BRAT1: variants seen among roughly 807,000 people sequenced by gnomAD.
BRAT1 encodes the protein BRCA1 associated ATM activator 1.
In BRAT1, 74 loss-of-function variants were observed where a neutral mutation model predicts 70.6. The ratio of observed to expected loss-of-function variants is 1.05; its 90% confidence interval spans 0.87 to 1.27. BRAT1 has a LOEUF of 1.27. Among genes scored for constraint, BRAT1 ranks in the 50% most tolerant of loss-of-function variants. The pLI, the probability that BRAT1 is intolerant of heterozygous loss-of-function variation, is 0.00. For synonymous variants in BRAT1, 615 were observed against 517.1 expected (o/e 1.19, Z -2.57); for missense variants, 1,203 against 1,098.2 (o/e 1.10, Z -1.35).
At chr7:2,555,187 G>A (rs1429165489) in intron 1 of BRAT1, among the ~76,000 whole-genome samples, 3 of 152,118 alleles carry the variant, frequency 2.0e-5, no homozygotes, top group Non-Finnish European at 4.4e-5. Context: ...CCTCGGGGGT[G>A]GGCGGGGTGG....
chr7:2,544,197 G>GT (rs201500695), intron 4 of BRAT1: 37 of 121,296 alleles, frequency 3.1e-4, no homozygotes, highest in East Asian at 7.7e-4. Flanking sequence ...GTTCCTTCTT[G>GT]TTGTTTTTTT....
intron 10 of BRAT1, 115 bp downstream of exon 10, chr7:2,540,864 G>C (rs1311705255): frequency 9.2e-7 from 1 of 1,081,648 alleles, no homozygotes; most frequent in Non-Finnish European, 1.3e-6. Context: ...GCAGCTCTGT[G>C]GCCCTGTGTG....
intron 13 of BRAT1, 99 bp from the exon 14 acceptor site, chr7:2,538,863 G>A: frequency 2.6e-6 from 4 of 1,527,882 alleles, no homozygotes; most frequent in Non-Finnish European, 3.5e-6. Flanking sequence ...CCCCGGACAT[G>A]CAGTCTAGGG....
intron 4 of BRAT1, 190 bp from the exon 5 acceptor site, chr7:2,544,152 G>A (rs927032630): frequency 3.1e-5 from 13 of 420,156 alleles, no homozygotes; most frequent in East Asian, 1.2e-4. Flanking sequence ...CCCCCCGAGC[G>A]TTAAACACAC....
At chr7:2,546,923 G>A (rs957516092) in intron 3 of BRAT1, among the ~76,000 whole-genome samples, 8 of 151,874 alleles carry the variant, frequency 5.3e-5, no homozygotes, top group African/African-American at 1.5e-4. Flanking sequence ...TCCTGTCTCC[G>A]TCCCAGGAAG....
In BRAT1 at chr7:2,547,465, C is replaced by T. The variant is rs746013235; in HGVS notation, c.141G>A (p.Val47=). Residue 47 remains valine (V), a synonymous_variant, in exon 3 of 14, where the codon GTG becomes GTA. Transcript: ENST00000340611. The part of the protein sequence containing the change: ...KTVTEGESSV[V]LLQEHPCLVE... ...CCAGGCAGGGGTGCTCCTGCAGCAG[C>T]ACGACACTGGACTCTGTGGGGATGG... 5 of 1,613,906 alleles carry T rather than the reference C, an allele frequency of 3.1e-6. No homozygotes were observed. The highest frequency in any genetic ancestry group is 4.2e-6 in the Non-Finnish European group (5 of 1,180,024).
rs376888751 is a variant in BRAT1 at position 2,538,234 on chromosome 7, C to T, written c.2301G>A (p.Gln767=). 4 of 1,609,574 alleles carry T rather than the reference C, an allele frequency of 2.5e-6. No individual in the cohort carries two copies. The highest frequency in any genetic ancestry group is 1.3e-5 in the African/African-American group (1 of 74,900). ...AGEQAQPPGD[Q]EPEAVLAMLR... is the part of the protein sequence containing the mutation. The stretch of plus-strand genomic sequence containing the variant: ...GCATGGCCAGCACAGCCTCAGGCTC[C>T]TGGTCCCCTGGGGGCTGGGCCTGCT... The change falls in exon 14 of 14, where the codon CAG becomes CAA. Residue 767 remains glutamine (Q), a synonymous_variant. Transcript: ENST00000340611.
chr7:2,544,325 C>G (rs112310765), intron 4 of BRAT1: 3,142 of 189,628 alleles, frequency 0.017, 35 homozygotes, highest in Non-Finnish European at 0.025. Context: ...ACCTCAGCCT[C>G]CCAAGTAGCT....
Position 2,544,735 on chromosome 7 carries a change from T to C in BRAT1, c.430+174A>G, listed in dbSNP as rs551380685. ...TGGCTGAGAAAGCCGTCCTGGCTCCTAGGGCCTGACCTGCCAACCAGAGAA... is the reference window on the plus strand; with the variant it reads ...TGGCTGAGAAAGCCGTCCTGGCTCCCAGGGCCTGACCTGCCAACCAGAGAA... On this transcript the variant is annotated intron_variant, in intron 4 of 13. Transcript: ENST00000340611. Among the ~76,000 whole-genome samples, 7 of 152,250 alleles carry C rather than the reference T, an allele frequency of 4.6e-5. No homozygotes were observed. In the South Asian group the frequency reaches 1.5e-3, roughly 32 times the overall value.
At chr7:2,553,557 G>C (rs1315235024) in intron 2 of BRAT1, among the ~76,000 whole-genome samples, 1 of 151,872 alleles carries the variant, frequency 6.6e-6, no homozygotes, top group Non-Finnish European at 1.5e-5. Context: ...AGCTTTATGT[G>C]TTATGAAAAG....
chr7:2,537,909 A>G lies in BRAT1; in HGVS notation c.*160T>C, dbSNP rs1473385520. On this transcript the variant is annotated 3_prime_UTR_variant, in exon 14 of 14. Transcript: ENST00000340611. Reference sequence around the variant, plus strand: ...TAGAAATAAGTCATTTCTTTAATACATCAAACTGTGGGATTTCTTGACCTT... The same window carrying G: ...TAGAAATAAGTCATTTCTTTAATACGTCAAACTGTGGGATTTCTTGACCTT... 1.6e-6 allele frequency: 2 copies of G among 1,226,806 alleles called. No homozygotes were observed. Among genetic ancestry groups the G allele is most frequent in the East Asian group, 2.8e-5 (1 of 36,332 alleles). The allele number at this position is 1,226,806 out of a possible 1,614,324, so 76.0% of individuals were successfully genotyped here. A position where few individuals can be genotyped will look rare whatever the true frequency, so the allele number is the denominator to read the frequency against.
At position 2,538,209 on chromosome 7, in the gene BRAT1, G is replaced by A; in HGVS notation, c.2326C>T (p.Leu776Phe). The A allele has an allele frequency of 6.2e-7, 1 of 1,609,986 alleles. No homozygotes were observed. The highest frequency in any genetic ancestry group is 1.7e-5 in the Admixed American group (1 of 59,962). ...AGGCCCTCCAGGTCTAGGGACCTGA[G>A]CATGGCCAGCACAGCCTCAGGCTCC... ...DQEPEAVLAM[L>F]RSLDLEGLRS... Residue 776 changes from leucine to phenylalanine, a missense_variant, in exon 14 of 14, where the codon CTC (leucine) becomes TTC (phenylalanine). By Grantham distance (22) the Leu-to-Phe change is conservative. Coordinates refer to ENST00000340611, the MANE Select transcript of BRAT1 (RefSeq NM_152743.4).
At chr7:2,542,057 T>C in intron 7 of BRAT1, 63 bp downstream of exon 7, 1 of 1,408,212 alleles carries the variant, frequency 7.1e-7, no homozygotes, top group East Asian at 2.5e-5. Flanking sequence ...CTCTCATCCA[T>C]CTCCCTTCCC....
rs1778862350 is a variant in BRAT1 at position 2,538,469 on chromosome 7, G to T, written c.2066C>A (p.Thr689Asn). Residue 689 changes from threonine (T) to asparagine (N), a missense_variant, in exon 14 of 14, where the codon ACC becomes AAC. Thr to Asn is a moderately conservative substitution (Grantham distance 65). Coordinates refer to ENST00000340611, the MANE Select transcript of BRAT1 (RefSeq NM_152743.4). ...GTGGCAGAGAGCCCTCAGTGCCTCGGTGAGTGGCTGGGCTGGGGCCACCTC... is the reference window on the plus strand; with the variant it reads ...GTGGCAGAGAGCCCTCAGTGCCTCGTTGAGTGGCTGGGCTGGGGCCACCTC... ...LPEVAPAQPLTEALRALCHVG... is the reference protein window; with the variant it reads ...LPEVAPAQPLNEALRALCHVG... The T allele has an allele frequency of 6.2e-7, 1 of 1,612,664 alleles. No homozygotes were observed. The highest frequency in any genetic ancestry group is 8.5e-7 in the Non-Finnish European group (1 of 1,179,934).
rs1274208785 is a variant in BRAT1, at chr7:2,547,453, C to T, written c.153G>A (p.Glu51=). The change falls in exon 3 of 14, where the codon GAG becomes GAA. Residue 51 remains glutamate, a synonymous_variant. Transcript: ENST00000340611. ...ACAGCAGCTCCACCAGGCAGGGGTG[C>T]TCCTGCAGCAGCACGACACTGGACT... ...EGESSVVLLQ[E]HPCLVELLSH... is the part of the protein sequence containing the mutation. 1.2e-6 allele frequency: 2 copies of T among 1,614,046 alleles called. No homozygotes were observed. The highest frequency in any genetic ancestry group is 2.2e-5 in the East Asian group (1 of 44,880).
rs1378548122 is a variant in BRAT1, at chr7:2,538,397, C to T, written c.2138G>A (p.Arg713His). The T allele has an allele frequency of 6.2e-6, 10 of 1,613,424 alleles. 1 individual carries two copies. Among genetic ancestry groups the T allele is most frequent in the African/African-American group, 2.7e-5 (2 of 74,934 alleles). ...FAFCALFDCD[R>H]PVAQKSCDLL... ...GTCACAAGACTTCTGCGCCACAGGG[C>T]GGTCGCAGTCAAACAAGGCACAAAA... is the stretch of plus-strand genomic sequence containing the variant. The change falls in exon 14 of 14, where the codon CGC becomes CAC. Residue 713 changes from arginine to histidine, a missense_variant. Transcript: ENST00000340611.
chr7:2,543,796 CATGATCT>C lies in BRAT1; in HGVS notation c.590_596del (p.Lys197ArgfsTer20). On this transcript the variant is annotated frameshift_variant, in exon 5 of 14. Transcript: ENST00000340611. LOFTEE classifies it high-confidence loss of function. The surrounding 1 kb of genome is among the most constrained non-coding windows in gnomAD (Gnocchi z 5.5). ...AGCACAAGGACTCTTCAACGTGATC[CATGATCT>C]TCTGGGCACACGCGGGCCAGTCACC... 6.2e-7 allele frequency: 1 copy of C among 1,612,826 alleles called. No individual in the cohort carries two copies. Among genetic ancestry groups the C allele is most frequent in the East Asian group, 2.2e-5 (1 of 44,860 alleles).
At chr7:2,552,225 C>G (rs1006896579) in intron 2 of BRAT1, among the ~76,000 whole-genome samples, 4 of 141,304 alleles carry the variant, frequency 2.8e-5, no homozygotes, top group Non-Finnish European at 6.0e-5. Context: ...TCAAGTGATT[C>G]TCCTGCTTCA....
intron 2 of BRAT1, among the ~76,000 whole-genome samples, chr7:2,550,101 TACAGTGAGCCGTGATC>T (rs1317268386): frequency 5.3e-5 from 8 of 150,382 alleles, no homozygotes; most frequent in African/African-American, 2.0e-4. Flanking sequence ...AAGTTGAGGC[TACAGTGAGCCGTGATC>T]ACACCACTGC....
Sources: allele counts gnomAD v4.1 joint callset (sites outside exome capture counted in the v4.1 genomes callset), GRCh38; gene constraint gnomAD v4.1.1; non-coding constraint Gnocchi (gnomAD v3.1); transcripts MANE v1.5; gene names NCBI Gene and HGNC (gene_info 2026-07-23, HGNC 2026-07-21).